Variants in AGBL3 observed in about 807,000 individuals in gnomAD.
AGBL3 encodes the protein cytosolic carboxypeptidase 3.
In AGBL3, 68 loss-of-function variants were observed where a neutral mutation model predicts 94.5. That is an observed-to-expected ratio of 0.72 (90% CI 0.59 to 0.88). AGBL3 has a LOEUF of 0.88. Among genes scored for constraint, AGBL3 ranks in the 40% least tolerant of loss-of-function variants. The pLI is 0.00. For synonymous variants in AGBL3, 354 were observed against 370.7 expected, an observed-to-expected ratio of 0.95 and a Z score of 0.52; for missense variants, 934 against 1,103.8, an observed-to-expected ratio of 0.85 and a Z score of 2.18.
chr7:135,128,419 T>TG, intron 16 of AGBL3: 1 of 664,824 alleles, frequency 1.5e-6, no homozygotes, highest in Non-Finnish European at 2.8e-6. Flanking sequence ...ATGGTCATCT[T>TG]GGTTTTGTTC....
intron 15 of AGBL3, among the ~76,000 whole-genome samples, chr7:135,089,249 T>C (rs1362169685): frequency 6.6e-6 from 1 of 152,222 alleles, no homozygotes. Context: ...TTATTCACAT[T>C]ATGAACTGTT....
intron 5 of AGBL3, among the ~76,000 whole-genome samples, chr7:135,028,603 T>TTG (rs761798286): frequency 2.6e-5 from 4 of 152,198 alleles, no homozygotes; most frequent in Non-Finnish European, 5.9e-5. Flanking sequence ...TCCAGTGAAG[T>TTG]TGTGTAGCCC....
At chr7:135,095,258 A>T (rs1379826959) in intron 15 of AGBL3, among the ~76,000 whole-genome samples, 2 of 152,196 alleles carry the variant, frequency 1.3e-5, no homozygotes, top group South Asian at 2.1e-4. Context: ...ACTGAGATTT[A>T]AAAATAAGTT....
At position 135,135,313 on chromosome 7, in the gene AGBL3, T is replaced by C; in HGVS notation, c.*52T>C. ...GTGAATGAAGGATAACATATGCTTA[T>C]GTAGTAAAAAGAAAAAAAGGAAAGC... On this transcript the variant is annotated 3_prime_UTR_variant, in exon 17 of 17. Transcript: ENST00000436302. 3.6e-6 allele frequency: 5 copies of C among 1,379,536 alleles called. No homozygotes were observed. Among genetic ancestry groups the C allele is most frequent in the South Asian group, 1.9e-5 (1 of 53,900 alleles). The allele number at this position is 1,379,536 out of a possible 1,614,324, so 85.5% of individuals were successfully genotyped here. A position where few individuals can be genotyped will look rare whatever the true frequency, so the allele number is the denominator to read the frequency against.
intron 5 of AGBL3, among the ~76,000 whole-genome samples, chr7:135,020,911 G>A (rs1012725131): frequency 2.9e-5 from 4 of 137,816 alleles, no homozygotes; most frequent in African/African-American, 1.1e-4. Context: ...GCCTGTTGTG[G>A]AGTGGGGGAG....
Position 135,060,501 on chromosome 7 carries a change from C to A in AGBL3, c.1908+1266C>A, listed in dbSNP as rs901913112. On this transcript the variant is annotated intron_variant, in intron 12 of 16. Coordinates refer to ENST00000436302, the MANE Select transcript of AGBL3 (RefSeq NM_178563.4). ...GCATAATAGATCTCTTGAACTTATT[C>A]CTCCTATCTAACTGGAATTTTGTAT... Among the ~76,000 whole-genome samples, 3 of 152,038 alleles carry A rather than the reference C, an allele frequency of 2.0e-5. No individual in the cohort carries two copies. The East Asian group carries it at 5.8e-4, about 29-fold the overall frequency.
intron 4 of AGBL3, among the ~76,000 whole-genome samples, chr7:134,999,662 C>A (rs1236189570): frequency 6.6e-6 from 1 of 152,180 alleles, no homozygotes; most frequent in Non-Finnish European, 1.5e-5. Context: ...AGGATGGTGC[C>A]CCACATGGGG....
At chr7:135,006,015 T>C (rs1441807584) in intron 4 of AGBL3, among the ~76,000 whole-genome samples, 2 of 151,782 alleles carry the variant, frequency 1.3e-5, no homozygotes, top group African/African-American at 4.8e-5. Flanking sequence ...TAGAAAATCT[T>C]TATGATCTAG....
intron 5 of AGBL3, among the ~76,000 whole-genome samples, chr7:135,025,708 A>G (rs1815014053): frequency 6.6e-6 from 1 of 151,612 alleles, no homozygotes; most frequent in Non-Finnish European, 1.5e-5. Flanking sequence ...TCTCATATGT[A>G]GTAACATCCA....
At chr7:135,074,604 C>T (rs1820277660) in intron 12 of AGBL3, among the ~76,000 whole-genome samples, 1 of 152,176 alleles carries the variant, frequency 6.6e-6, no homozygotes, top group Non-Finnish European at 1.5e-5. Context: ...TTCCCTCTCT[C>T]CTCTCTCCAC....
chr7:135,101,945 T>A (rs1241411121), intron 15 of AGBL3, among the ~76,000 whole-genome samples: 1 of 152,120 alleles, frequency 6.6e-6, no homozygotes, highest in Non-Finnish European at 1.5e-5. Context: ...ATCCGTTGGT[T>A]TTATAAGGGG....
chr7:135,121,855 G>A (rs1022807057), intron 16 of AGBL3, among the ~76,000 whole-genome samples: 1 of 152,174 alleles, frequency 6.6e-6, no homozygotes, highest in African/African-American at 2.4e-5. Context: ...GAGTGAGTGT[G>A]CTACCCAGCC....
rs545624878 is a variant in AGBL3 at position 135,045,993 on chromosome 7, A to G, written c.1841+82A>G. 12 of 984,788 alleles carry G rather than the reference A, an allele frequency of 1.2e-5. No homozygotes were observed. The South Asian group carries it at 2.0e-4, about 17-fold the overall frequency. 61.0% of individuals were successfully genotyped at this position (984,788 alleles called of 1,614,324 possible). On this transcript the variant is annotated intron_variant, in intron 11 of 16. Transcript: ENST00000436302. The stretch of plus-strand genomic sequence containing the variant: ...ATAATTATACCAGCATTTTATTGTC[A>G]GTTCTCAACTGAAAATCCCAACTGT...
At chr7:135,090,319 G>A (rs1281336965) in intron 15 of AGBL3, among the ~76,000 whole-genome samples, 3 of 152,180 alleles carry the variant, frequency 2.0e-5, no homozygotes, top group African/African-American at 7.2e-5. Flanking sequence ...CATTTTCCAG[G>A]GAGGGGGTAT....
intron 5 of AGBL3, among the ~76,000 whole-genome samples, chr7:135,027,832 AAATT>A (rs2116375121): frequency 6.6e-6 from 1 of 151,762 alleles, no homozygotes; most frequent in African/African-American, 2.4e-5. Flanking sequence ...ACATATAACA[AAATT>A]TCACATGAAC....
intron 15 of AGBL3, among the ~76,000 whole-genome samples, chr7:135,112,920 GAA>G (rs1825840908): frequency 1.3e-5 from 2 of 152,292 alleles, no homozygotes; most frequent in African/African-American, 4.8e-5. Flanking sequence ...TGGGATTACA[GAA>G]CTCGCCACCA....
At chr7:135,032,645 T>C (rs1815888283) in intron 5 of AGBL3, among the ~76,000 whole-genome samples, 199 bp from the exon 6 acceptor site, 1 of 152,074 alleles carries the variant, frequency 6.6e-6, no homozygotes, top group South Asian at 2.1e-4. Flanking sequence ...GTAAGAAATA[T>C]ACAAATTTAT....
chr7:134,988,346 T>C (rs1809738763), intron 2 of AGBL3: 1 of 200,568 alleles, frequency 5.0e-6, no homozygotes, highest in Non-Finnish European at 1.0e-5. Flanking sequence ...CATCGTAGTA[T>C]GAATCATAGT....
intron 4 of AGBL3, chr7:135,010,612 C>A (rs1037320115): frequency 6.6e-6 from 1 of 152,024 alleles, no homozygotes; most frequent in Non-Finnish European, 1.5e-5. Context: ...AGGAGGATTT[C>A]CTTCACTGGA....
Sources: gnomAD v4.1 joint callset for allele counts (sites outside exome capture counted in the v4.1 genomes callset) on GRCh38, gnomAD v4.1.1 for gene constraint, MANE v1.5 for transcripts, NCBI Gene and HGNC (gene_info 2026-07-23, HGNC 2026-07-21) for gene names.